MAP7D1: variants seen among roughly 807,000 people sequenced by gnomAD.
The protein encoded by MAP7D1 is MAP7 domain-containing protein 1.
A neutral mutation model predicts 97.5 loss-of-function variants in MAP7D1; 30 were observed. The observed-to-expected ratio is 0.31, with a 90% CI of 0.23 to 0.42. MAP7D1 has a LOEUF of 0.42. Ranked by LOEUF, MAP7D1 falls within the 10% of genes least tolerant of loss-of-function variation. The pLI is 1.00. For missense variants in MAP7D1, 1,184 were observed against 1,179.5 expected, an observed-to-expected ratio of 1.00 and a Z score of -0.06; for synonymous variants, 536 against 477.1, an observed-to-expected ratio of 1.12 and a Z score of -1.61.
Position 36,156,450 on chromosome 1 carries a change from G to C in MAP7D1, c.33G>C (p.Ala11=). ...GCGGCCCGCGTGCGGAGCTGGGGGC[G>C]GGCGCACCCCCAGGTATGCCGGGAG... is the stretch of plus-strand genomic sequence containing the variant. MESGPRAELG[A]GAPPAVVART... is the part of the protein sequence containing the mutation. Residue 11 remains alanine, a synonymous_variant, in exon 1 of 17, where the codon GCG becomes GCC. Coordinates refer to ENST00000474796, the MANE Select transcript of MAP7D1 (RefSeq NM_001388490.1). 6.8e-7 allele frequency: 1 copy of C among 1,472,462 alleles called. No individual in the cohort carries two copies. Among genetic ancestry groups the C allele is most frequent in the Non-Finnish European group, 8.9e-7 (1 of 1,119,352 alleles). The allele number at this position is 1,472,462 out of a possible 1,614,324, so 91.2% of individuals were successfully genotyped here. A position where few individuals can be genotyped will look rare whatever the true frequency, so the allele number is the denominator to read the frequency against.
At chr1:36,156,734 C>T (rs986405288) in intron 1 of MAP7D1, among the ~76,000 whole-genome samples, 3 of 151,998 alleles carry the variant, frequency 2.0e-5, no homozygotes, top group Non-Finnish European at 4.4e-5. Flanking sequence ...GACCCTTCTG[C>T]CCCAGCTTAG....
At chr1:36,163,814 T>TTC (rs1340610338) in intron 1 of MAP7D1, among the ~76,000 whole-genome samples, 1 of 135,298 alleles carries the variant, frequency 7.4e-6, no homozygotes, top group African/African-American at 2.7e-5. Context: ...ATATACTTTT[T>TTC]TTCTTTTTTT....
Position 36,166,668 on chromosome 1 carries a change from C to T in MAP7D1, c.47-4303C>T, listed in dbSNP as rs149369452. Among the ~76,000 whole-genome samples the T allele has an allele frequency of 2.4e-3, 358 of 152,236 alleles. 1 individual carries two copies. Among genetic ancestry groups the T allele is most frequent in the African/African-American group, 7.9e-3 (327 of 41,528 alleles). The stretch of plus-strand genomic sequence containing the variant: ...CCTCCCAAAGTGCTGGGATTACAGG[C>T]GTGAGCCACCGCACCCGGCCAATCT... On this transcript the variant is annotated intron_variant, in intron 1 of 16. Transcript: ENST00000474796.
chr1:36,165,922 A>G (rs967046180), intron 1 of MAP7D1, among the ~76,000 whole-genome samples: 1 of 151,580 alleles, frequency 6.6e-6, no homozygotes, highest in Non-Finnish European at 1.5e-5. Flanking sequence ...AGTAGACGGG[A>G]TTTCGCCATT....
rs559981245 is a variant in MAP7D1 at position 36,176,867 on chromosome 1, C to T, written c.1379+25C>T. On this transcript the variant is annotated intron_variant, in intron 8 of 16. Coordinates refer to ENST00000474796, the MANE Select transcript of MAP7D1 (RefSeq NM_001388490.1). The surrounding 1 kb of genome is among the most constrained non-coding windows in gnomAD (Gnocchi z 6.1). ...GGTGGGCGCGGGCGGTGCGAGGGAC[C>T]CTGCCCCTCACCGGGTCATTTATTC... 59 of 1,547,954 alleles carry T rather than the reference C, an allele frequency of 3.8e-5. No homozygotes were observed. The South Asian group carries it at 6.6e-4, about 17-fold the overall frequency.
chr1:36,163,198 A>T (rs1369507398), intron 1 of MAP7D1, among the ~76,000 whole-genome samples: 4 of 152,102 alleles, frequency 2.6e-5, no homozygotes, highest in Non-Finnish European at 5.9e-5. Flanking sequence ...CCCCTCTTGG[A>T]GCTCTTAGGA....
At chr1:36,163,801 G>A (rs1017113449) in intron 1 of MAP7D1, among the ~76,000 whole-genome samples, 2 of 141,730 alleles carry the variant, frequency 1.4e-5, no homozygotes, top group Non-Finnish European at 3.0e-5. Flanking sequence ...TTGCCACATA[G>A]ATATATACTT....
intron 6 of MAP7D1, among the ~76,000 whole-genome samples, chr1:36,175,981 C>G (rs1275659421): frequency 1.3e-5 from 2 of 152,194 alleles, no homozygotes; most frequent in South Asian, 2.1e-4. Flanking sequence ...TCATCCGATG[C>G]AGGATGTTGC....
Position 36,180,231 on chromosome 1 carries a change from T to G in MAP7D1, c.2513-17T>G. 1.9e-6 allele frequency: 3 copies of G among 1,614,204 alleles called. No individual in the cohort carries two copies. The highest frequency in any genetic ancestry group is 2.5e-6 in the Non-Finnish European group (3 of 1,180,032). Reference sequence around the variant, plus strand: ...GTGCTGTTTGCCCTGACTGTTTCCCTTCCTGTTTTTCCCCAGAAGTCCTTT... The same window carrying G: ...GTGCTGTTTGCCCTGACTGTTTCCCGTCCTGTTTTTCCCCAGAAGTCCTTT... On this transcript the variant is annotated splice_polypyrimidine_tract_variant and intron_variant, in intron 16 of 16. Transcript: ENST00000474796.
At chr1:36,160,550 C>G (rs1390916031) in intron 1 of MAP7D1, among the ~76,000 whole-genome samples, 2 of 152,226 alleles carry the variant, frequency 1.3e-5, no homozygotes, top group Non-Finnish European at 2.9e-5. Flanking sequence ...TAGGGACTAG[C>G]ATTATCCCCA....
At position 36,179,666 on chromosome 1, in the gene MAP7D1, A is replaced by G. The variant is rs759731356; in HGVS notation, c.2228A>G (p.Glu743Gly). Reference protein sequence around the residue: ...KEANANGSSPEPVKAVEARSP... With the variant: ...KEANANGSSPGPVKAVEARSP... ...GATGGCCCCTCTTTCCCTGTGACAG[A>G]GCCTGTGAAAGCTGTGGAGGCTCGG... The change falls in exon 15 of 17, where the codon GAG becomes GGG. Residue 743 changes from glutamate to glycine, a missense_variant and splice_region_variant. Transcript: ENST00000474796. 13 of 1,528,028 alleles carry G rather than the reference A, an allele frequency of 8.5e-6. No individual in the cohort carries two copies. The East Asian group carries it at 2.9e-4, about 34-fold the overall frequency. The allele number at this position is 1,528,028 out of a possible 1,614,324, so 94.7% of individuals were successfully genotyped here. A position where few individuals can be genotyped will look rare whatever the true frequency, so the allele number is the denominator to read the frequency against.
In MAP7D1 at chr1:36,176,050, A is replaced by G; in HGVS notation, c.851-149A>G. 2.6e-6 allele frequency: 2 copies of G among 776,678 alleles called. No homozygotes were observed. The highest frequency in any genetic ancestry group is 3.0e-5 in the Admixed American group (1 of 33,274). 48.1% of individuals were successfully genotyped at this position (776,678 alleles called of 1,614,324 possible). Reference sequence around the variant, plus strand: ...GGAAGTCCAGATCATAGGGAGGACAAGTGTGGCCCCGGTGTGATTGTGGGG... The same window carrying G: ...GGAAGTCCAGATCATAGGGAGGACAGGTGTGGCCCCGGTGTGATTGTGGGG... On this transcript the variant is annotated intron_variant, in intron 6 of 16. Transcript: ENST00000474796. The surrounding 1 kb of genome is among the most constrained non-coding windows in gnomAD (Gnocchi z 6.1).
At chr1:36,168,816 T>A (rs1246889355) in intron 1 of MAP7D1, among the ~76,000 whole-genome samples, 1 of 152,198 alleles carries the variant, frequency 6.6e-6, no homozygotes, top group African/African-American at 2.4e-5. Flanking sequence ...TGATGATGGC[T>A]ACTGGGTCCA....
rs1205510634 is a variant in MAP7D1 at position 36,179,324 on chromosome 1, TC to T, written c.2184+14del. ...AAGTTTCTGAAACCAAGGTCAGAATTCCCCCGAAGGGCAGTGCTGGGCGTGG... is the reference window on the plus strand; with the variant it reads ...AAGTTTCTGAAACCAAGGTCAGAATTCCCCGAAGGGCAGTGCTGGGCGTGG... On this transcript the variant is annotated intron_variant, in intron 13 of 16. Transcript: ENST00000474796. 6.2e-7 allele frequency: 1 copy of T among 1,613,738 alleles called. No individual in the cohort carries two copies. Among genetic ancestry groups the T allele is most frequent in the Non-Finnish European group, 8.5e-7 (1 of 1,179,876 alleles).
intron 1 of MAP7D1, among the ~76,000 whole-genome samples, chr1:36,165,754 G>A (rs1346555501): frequency 2.4e-4 from 30 of 125,094 alleles, no homozygotes; most frequent in Admixed American, 1.1e-3. Context: ...TTTTGGAGAC[G>A]GAGTCTCACT....
Position 36,169,207 on chromosome 1 carries a change from G to A in MAP7D1, c.47-1764G>A, listed in dbSNP as rs150102915. 0.014 allele frequency among the ~76,000 whole-genome samples: 2,115 copies of A among 148,962 alleles called. 109 individuals are homozygous for A. In the East Asian group the frequency reaches 0.18, roughly 12 times the overall value. ...GCAGAGGTTGCAGTGAGCCGAGATC[G>A]TGCCAATGCACTCCAGCCTGGGCAA... On this transcript the variant is annotated intron_variant, in intron 1 of 16. Transcript: ENST00000474796.
intron 8 of MAP7D1, among the ~76,000 whole-genome samples, chr1:36,177,091 C>T (rs1312976197): frequency 6.6e-6 from 1 of 152,050 alleles, no homozygotes; most frequent in Non-Finnish European, 1.5e-5. Context: ...GCTGGGGCTA[C>T]AGGCGCGCCA....
chr1:36,172,532 G>GAGCGCC lies in MAP7D1; in HGVS notation c.530_535dup (p.Arg178_Arg179insGlnArg). 1.2e-6 allele frequency: 2 copies of GAGCGCC among 1,602,596 alleles called. No individual in the cohort carries two copies. The highest frequency in any genetic ancestry group is 1.1e-5 in the South Asian group (1 of 90,580). On this transcript the variant is annotated inframe_insertion, in exon 4 of 17. Transcript: ENST00000474796. ...GGCGCTGCGGGAGAAGCAGCTCCAG[G>GAGCGCC]AGCGCCGGCGCCGGCTGGAGGAGCA...
At position 36,176,155 on chromosome 1, in the gene MAP7D1, A is replaced by ACGGCCCC; in HGVS notation, c.851-42_851-36dup. 2 of 1,591,758 alleles carry ACGGCCCC rather than the reference A, an allele frequency of 1.3e-6. No homozygotes were observed. The highest frequency in any genetic ancestry group is 1.7e-6 in the Non-Finnish European group (2 of 1,173,848). On this transcript the variant is annotated intron_variant, in intron 6 of 16. Transcript: ENST00000474796. The surrounding 1 kb of genome is among the most constrained non-coding windows in gnomAD (Gnocchi z 6.1). ...GCTCCCTTGCCTCTTCCTGCCTCCT[A>ACGGCCCC]CGGCCCCCACGGTGACCGGCTTCGC...
Sources: gnomAD v4.1 joint callset for allele counts (sites outside exome capture counted in the v4.1 genomes callset) on GRCh38, gnomAD v4.1.1 for gene constraint, Gnocchi (gnomAD v3.1) non-coding constraint, MANE v1.5 for transcripts, NCBI Gene and HGNC (gene_info 2026-07-23, HGNC 2026-07-21) for gene names.